The following RGS7 variants were observed in gnomAD, a reference collection of about 807,000 sequenced individuals.
RGS7 encodes regulator of G-protein signaling 7.
Under a neutral mutation model 81.1 loss-of-function variants are expected in RGS7, and 27 were observed. The observed-to-expected ratio is 0.33, with a 90% CI of 0.25 to 0.46. RGS7 has a LOEUF of 0.46. Among genes scored for constraint, RGS7 ranks in the 20% least tolerant of loss-of-function variants. The pLI, the probability that RGS7 is intolerant of heterozygous loss-of-function variation, is 1.00. For synonymous variants in RGS7, 208 were observed against 207.7 expected (o/e 1.00, Z -0.01); for missense variants, 396 against 607.4 (o/e 0.65, Z 3.66).
intron 3 of RGS7, among the ~76,000 whole-genome samples, chr1:241,030,426 A>C (rs2060025831): frequency 6.9e-6 from 1 of 144,890 alleles, no homozygotes; most frequent in Non-Finnish European, 1.5e-5. Context: ...TTTATAAAAT[A>C]TATAAATATA....
At chr1:241,221,134 AAAG>A (rs1405272645) in intron 2 of RGS7, among the ~76,000 whole-genome samples, 1 of 151,838 alleles carries the variant, frequency 6.6e-6, no homozygotes, top group African/African-American at 2.4e-5. Flanking sequence ...AGAAAGAAAG[AAAG>A]AAAAGAAAAA....
intron 2 of RGS7, among the ~76,000 whole-genome samples, chr1:241,219,947 A>G (rs1017032865): frequency 6.6e-6 from 1 of 152,150 alleles, no homozygotes; most frequent in Non-Finnish European, 1.5e-5. Flanking sequence ...CAACAAAATC[A>G]CCTAGATCCT....
intron 9 of RGS7, among the ~76,000 whole-genome samples, chr1:240,858,857 A>C (rs561696444): frequency 1.3e-5 from 2 of 152,288 alleles, no homozygotes; most frequent in East Asian, 3.9e-4. Context: ...TGTGGTGTAA[A>C]ATTCTTCTTG....
At chr1:240,937,058 A>G (rs923592996) in intron 4 of RGS7, among the ~76,000 whole-genome samples, 1 of 152,156 alleles carries the variant, frequency 6.6e-6, no homozygotes, top group African/African-American at 2.4e-5. Flanking sequence ...GTGCCCTGAC[A>G]TGCCCAAACA....
At chr1:240,852,797 C>CT (rs1389796365) in intron 9 of RGS7, among the ~76,000 whole-genome samples, 2 of 152,170 alleles carry the variant, frequency 1.3e-5, no homozygotes, top group African/African-American at 4.8e-5. Flanking sequence ...ATAAACATTA[C>CT]TTTCCCCTGG....
intron 9 of RGS7, among the ~76,000 whole-genome samples, chr1:240,848,596 G>C (rs1659520524): frequency 6.7e-6 from 1 of 149,642 alleles, no homozygotes. Context: ...CTTTATAAAA[G>C]ATACAGCAGA....
chr1:240,849,031 CTCA>C (rs1659611028), intron 9 of RGS7, among the ~76,000 whole-genome samples: 1 of 151,996 alleles, frequency 6.6e-6, no homozygotes, highest in Non-Finnish European at 1.5e-5. Context: ...GTGTAAGGAA[CTCA>C]TCATCCATTT....
intron 15 of RGS7, 92 bp downstream of exon 15, chr1:240,806,048 T>C: frequency 9.0e-7 from 1 of 1,105,338 alleles, no homozygotes; most frequent in African/African-American, 1.5e-5. Flanking sequence ...ATGTTAGAAA[T>C]AGCTGCCATT....
chr1:240,962,442 A>T (rs1273369783), intron 4 of RGS7, among the ~76,000 whole-genome samples: 1 of 152,070 alleles, frequency 6.6e-6, no homozygotes, highest in East Asian at 1.9e-4. Flanking sequence ...TGGCAAGCTC[A>T]TCTAATTTAA....
chr1:240,991,618 GT>G (rs1226996459), intron 3 of RGS7, among the ~76,000 whole-genome samples: 1 of 152,138 alleles, frequency 6.6e-6, no homozygotes, highest in Non-Finnish European at 1.5e-5. Context: ...AGTCCGCAGT[GT>G]TTCCTTAGGA....
intron 2 of RGS7, among the ~76,000 whole-genome samples, chr1:241,288,912 G>A (rs1040493394): frequency 2.7e-5 from 4 of 148,774 alleles, no homozygotes; most frequent in African/African-American, 9.8e-5. Flanking sequence ...CCTGGAACAT[G>A]ATTATCACAA....
chr1:241,161,044 A>G (rs1385050185), intron 2 of RGS7, among the ~76,000 whole-genome samples: 1 of 142,244 alleles, frequency 7.0e-6, no homozygotes, highest in Non-Finnish European at 1.5e-5. Context: ...CCCCAACCTA[A>G]TAACACCCAA....
At chr1:240,992,461 G>A (rs899037796) in intron 3 of RGS7, among the ~76,000 whole-genome samples, 57 of 151,546 alleles carry the variant, frequency 3.8e-4, no homozygotes, top group African/African-American at 1.2e-3. Flanking sequence ...CCAAGATCAC[G>A]CCACTGCACT....
intron 3 of RGS7, among the ~76,000 whole-genome samples, chr1:241,079,004 G>A (rs918299299): frequency 6.6e-6 from 1 of 152,102 alleles, no homozygotes; most frequent in East Asian, 1.9e-4. Context: ...TAAACCAAAC[G>A]ACAAAATTTA....
At chr1:241,038,301 T>C (rs921153271) in intron 3 of RGS7, among the ~76,000 whole-genome samples, 2 of 152,156 alleles carry the variant, frequency 1.3e-5, no homozygotes, top group African/African-American at 4.8e-5. Context: ...ACTGTTTATA[T>C]ATATCAAATA....
At chr1:240,872,913 C>T (rs1664744034) in intron 6 of RGS7, among the ~76,000 whole-genome samples, 1 of 152,006 alleles carries the variant, frequency 6.6e-6, no homozygotes, top group South Asian at 2.1e-4. Context: ...CTCGTCTCTA[C>T]TAAAAATACA....
chr1:241,050,963 G>T (rs2061218257), intron 3 of RGS7, among the ~76,000 whole-genome samples: 1 of 152,132 alleles, frequency 6.6e-6, no homozygotes, highest in South Asian at 2.1e-4. Flanking sequence ...AAATTTATTT[G>T]CAGATTTTTG....
intron 2 of RGS7, among the ~76,000 whole-genome samples, chr1:241,257,178 G>A (rs2077093778): frequency 6.6e-6 from 1 of 152,024 alleles, no homozygotes; most frequent in African/African-American, 2.4e-5. Context: ...AGTCCTGGAT[G>A]GTGGGAAGTC....
At chr1:241,337,001 G>A (rs570395993) in intron 2 of RGS7, among the ~76,000 whole-genome samples, 1 of 152,238 alleles carries the variant, frequency 6.6e-6, no homozygotes, top group Admixed American at 6.5e-5. Flanking sequence ...ATAGTTTAGA[G>A]AAAAACAAGA....
Sources: gnomAD v4.1 joint callset for allele counts (sites outside exome capture counted in the v4.1 genomes callset) on GRCh38, gnomAD v4.1.1 for gene constraint, MANE v1.5 for transcripts, NCBI Gene and HGNC (gene_info 2026-07-23, HGNC 2026-07-21) for gene names.